The following PIK3R3 variants were observed in gnomAD, a reference collection of about 807,000 sequenced individuals.
PIK3R3 encodes phosphatidylinositol 3-kinase regulatory subunit gamma.
Under a neutral mutation model 62.9 loss-of-function variants are expected in PIK3R3, and 64 were observed. The observed-to-expected ratio is 1.02, with a 90% confidence interval of 0.83 to 1.25. The LOEUF (loss-of-function observed/expected upper bound fraction) is 1.25, where lower values mean the gene tolerates loss of function less well. Ranked by LOEUF, PIK3R3 falls within the 50% of genes most tolerant of loss-of-function variation. PIK3R3 has a pLI of 0.00. For synonymous variants in PIK3R3, 165 were observed against 189.0 expected, an observed-to-expected ratio of 0.87 and a Z score of 1.04; for missense variants, 614 against 561.6, an observed-to-expected ratio of 1.09 and a Z score of -0.94.
At chr1:46,071,730 T>TATATATAGAG (rs1163343399) in intron 3 of PIK3R3, among the ~76,000 whole-genome samples, 7 of 59,064 alleles carry the variant, frequency 1.2e-4, no homozygotes, top group African/African-American at 4.7e-4. Context: ...TATATATATA[T>TATATATAGAG]AGAGAGAGAG....
At chr1:46,068,166 AT>A (rs1414079301) in intron 3 of PIK3R3, among the ~76,000 whole-genome samples, 3 of 152,242 alleles carry the variant, frequency 2.0e-5, no homozygotes, top group African/African-American at 7.2e-5. Context: ...TAGATGGATG[AT>A]AAATTATTTC....
At chr1:46,142,225 AC>A in the PIK3R3 span, among the ~76,000 whole-genome samples, 1 of 151,544 alleles carries the variant, frequency 6.6e-6, no homozygotes, top group Non-Finnish European at 1.5e-5. Context: ...AACCAGTCCT[AC>A]CCCCTCTCCT....
At chr1:46,051,777 T>A (rs1322617805) in intron 7 of PIK3R3, among the ~76,000 whole-genome samples, 3 of 152,190 alleles carry the variant, frequency 2.0e-5, no homozygotes, top group Admixed American at 2.0e-4. Flanking sequence ...AATAGATGCC[T>A]GAAAGCAGAC....
intron 1 of PIK3R3, among the ~76,000 whole-genome samples, chr1:46,081,996 A>C (rs941484520): frequency 6.6e-6 from 1 of 150,930 alleles, no homozygotes; most frequent in African/African-American, 2.4e-5. Flanking sequence ...GTTCATGCAG[A>C]TATAAATAAA....
At chr1:46,116,742 T>C (rs1654223364) in intron 1 of PIK3R3, among the ~76,000 whole-genome samples, 1 of 151,990 alleles carries the variant, frequency 6.6e-6, no homozygotes, top group Non-Finnish European at 1.5e-5. Context: ...GCCCTAAGTG[T>C]CTTATGTGTA....
chr1:46,046,910 C>T (rs1647130665), intron 7 of PIK3R3: 1 of 496,860 alleles, frequency 2.0e-6, no homozygotes, highest in African/African-American at 1.9e-5. Flanking sequence ...ACCACAAGCA[C>T]ACACATACTC....
At position 46,108,317 on chromosome 1, in the gene PIK3R3, C is replaced by A. The variant is rs532875638; in HGVS notation, c.106+23530G>T. ...CTCTCTTGCCAGGATCTCTCCAGCT[C>A]CCTATGGTTCTTTTGCCACACTAGC... On this transcript the variant is annotated intron_variant, in intron 1 of 9. Coordinates refer to ENST00000262741, the MANE Select transcript of PIK3R3 (RefSeq NM_003629.4). Among the ~76,000 whole-genome samples the A allele has an allele frequency of 6.3e-4, 96 of 152,290 alleles. No individual in the cohort carries two copies. In the South Asian group the frequency reaches 0.02, roughly 31 times the overall value.
At chr1:46,098,108 T>C (rs894848011) in intron 1 of PIK3R3, among the ~76,000 whole-genome samples, 1 of 151,528 alleles carries the variant, frequency 6.6e-6, no homozygotes, top group Non-Finnish European at 1.5e-5. Flanking sequence ...CAATGAACAA[T>C]CCAAAAATGA....
chr1:46,065,619 A>T (rs1648914274), intron 5 of PIK3R3, among the ~76,000 whole-genome samples: 2 of 152,228 alleles, frequency 1.3e-5, no homozygotes, highest in African/African-American at 4.8e-5. Flanking sequence ...AAGTTGTCTT[A>T]AAGATAGAGA....
At position 46,114,584 on chromosome 1, in the gene PIK3R3, G is replaced by A. The variant is rs377743791; in HGVS notation, c.106+17263C>T. Among the ~76,000 whole-genome samples, 44 of 151,926 alleles carry A rather than the reference G, an allele frequency of 2.9e-4. No homozygotes were observed. The East Asian group carries it at 7.8e-3, about 27-fold the overall frequency. On this transcript the variant is annotated intron_variant, in intron 1 of 9. Transcript: ENST00000262741. ...AACCTACTCAACTAGACATTTTGGGGGTAGGACCTAGCAATTTGTGTGTTT... is the reference window on the plus strand; with the variant it reads ...AACCTACTCAACTAGACATTTTGGGAGTAGGACCTAGCAATTTGTGTGTTT...
chr1:46,043,907 G>A (rs762329435), intron 9 of PIK3R3, 36 bp from the exon 10 acceptor site: 1 of 1,545,870 alleles, frequency 6.5e-7, no homozygotes, highest in South Asian at 1.1e-5. Context: ...TGTTAAGGTA[G>A]GTAACAATAG....
chr1:46,059,037 G>A (rs1442318552), intron 6 of PIK3R3, among the ~76,000 whole-genome samples: 2 of 152,204 alleles, frequency 1.3e-5, no homozygotes, highest in African/African-American at 4.8e-5. Flanking sequence ...CATGGAGGCG[G>A]TTTCCCCACT....
intron 1 of PIK3R3, among the ~76,000 whole-genome samples, chr1:46,095,607 C>T (rs933754681): frequency 2.0e-5 from 3 of 152,112 alleles, no homozygotes; most frequent in African/African-American, 7.2e-5. Context: ...CACCATGGCA[C>T]ATGTTTACCT....
rs1016906865 is a variant in PIK3R3, at chr1:46,048,297, A to C, written c.942-1672T>G. On this transcript the variant is annotated intron_variant, in intron 7 of 9. Coordinates refer to ENST00000262741, the MANE Select transcript of PIK3R3 (RefSeq NM_003629.4). The stretch of plus-strand genomic sequence containing the variant: ...TGTATCTCCCCAAGTATACAAGATA[A>C]CTTGGCATCACACCTAATTTTAAAG... 19 of 152,244 alleles carry C rather than the reference A, an allele frequency of 1.2e-4. 1 individual carries two copies. Among genetic ancestry groups the C allele is most frequent in the Non-Finnish European group, 1.2e-4 (8 of 68,054 alleles). The allele number at this position is 152,244 out of a possible 1,614,324, so 9.4% of individuals were successfully genotyped here. A position where few individuals can be genotyped will look rare whatever the true frequency, so the allele number is the denominator to read the frequency against.
At chr1:46,137,342 A>G (rs920456495), upstream of PIK3R3, among the ~76,000 whole-genome samples, 1 of 152,252 alleles carries the variant, frequency 6.6e-6, no homozygotes, top group African/African-American at 2.4e-5. Context: ...AATAAGCGCT[A>G]TAATCAAGAA....
At chr1:46,062,207 C>T (rs1450055671) in intron 5 of PIK3R3, 136 bp from the exon 6 acceptor site, 2 of 682,800 alleles carry the variant, frequency 2.9e-6, no homozygotes, top group African/African-American at 1.8e-5. Flanking sequence ...AAGTCTTCTC[C>T]TTGTTTAGGA....
chr1:46,138,832 T>C, the PIK3R3 span: 4 of 152,360 alleles, frequency 2.6e-5, no homozygotes, highest in Non-Finnish European at 5.9e-5. Context: ...GAGCATTTGA[T>C]TGAAAATGAT....
At chr1:46,073,935 A>G (rs1396404284) in intron 3 of PIK3R3, among the ~76,000 whole-genome samples, 1 of 149,868 alleles carries the variant, frequency 6.7e-6, no homozygotes, top group Non-Finnish European at 1.5e-5. Flanking sequence ...TGACCGGCCA[A>G]CTGTTGCCTT....
At chr1:46,152,321 C>G in the PIK3R3 span, among the ~76,000 whole-genome samples, 1 of 152,070 alleles carries the variant, frequency 6.6e-6, no homozygotes, top group African/African-American at 2.4e-5. Flanking sequence ...AGAGTAGTAC[C>G]CCAGCCAAGA....
Sources: gnomAD v4.1 joint callset for allele counts (sites outside exome capture counted in the v4.1 genomes callset) on GRCh38, gnomAD v4.1.1 for gene constraint, MANE v1.5 for transcripts, NCBI Gene and HGNC (gene_info 2026-07-23, HGNC 2026-07-21) for gene names.